The following PRKCQ variants were observed in gnomAD, a reference collection of about 807,000 sequenced individuals.
PRKCQ encodes protein kinase C theta.
In PRKCQ, 41 loss-of-function variants were observed where a neutral mutation model predicts 91.2. The ratio of observed to expected loss-of-function variants is 0.45; its 90% confidence interval spans 0.35 to 0.58. PRKCQ has a LOEUF of 0.58. PRKCQ is among the 20% of genes least tolerant of loss of function. The pLI is 0.00. For missense variants in PRKCQ, 673 were observed against 896.5 expected (o/e 0.75, Z 3.18); for synonymous variants, 307 against 316.9 (o/e 0.97, Z 0.33).
the PRKCQ span, among the ~76,000 whole-genome samples, chr10:6,411,856 C>T: frequency 6.6e-6 from 1 of 152,158 alleles, no homozygotes; most frequent in Non-Finnish European, 1.5e-5. Flanking sequence ...AAGTGTTTTA[C>T]AGGGATAGTA....
chr10:6,525,793 T>G (rs948354332), intron 1 of PRKCQ, among the ~76,000 whole-genome samples: 1 of 152,124 alleles, frequency 6.6e-6, no homozygotes. Context: ...CTGGAGGCCA[T>G]GAAGTATCAT....
intron 8 of PRKCQ, chr10:6,489,632 G>A (rs1187123604): frequency 5.3e-6 from 2 of 379,226 alleles, no homozygotes; most frequent in African/African-American, 4.2e-5. Flanking sequence ...GGGGTGAGCG[G>A]AGCAGGCGGG....
intron 8 of PRKCQ, among the ~76,000 whole-genome samples, chr10:6,490,671 A>G (rs764097130): frequency 2.0e-5 from 3 of 152,054 alleles, no homozygotes; most frequent in African/African-American, 7.2e-5. Context: ...CTTGAGTCCA[A>G]GAAGTCAAGT....
rs1248510069 is a variant in PRKCQ, at chr10:6,465,337, T to A, written c.1354-933A>T. 2.0e-5 allele frequency among the ~76,000 whole-genome samples: 3 copies of A among 152,056 alleles called. No homozygotes were observed. Among genetic ancestry groups the A allele is most frequent in the Non-Finnish European group, 4.4e-5 (3 of 68,008 alleles). ...GACGGAGTTCTTCTGGCAGAGGACA[T>A]GATGTATGTCAGTAGAGCTGGGGCC... On this transcript the variant is annotated intron_variant, in intron 12 of 17. Coordinates refer to ENST00000263125, the MANE Select transcript of PRKCQ (RefSeq NM_006257.5). This position sits in a 1 kb window ranked among gnomAD's most constrained non-coding sequence, Gnocchi z 4.4.
intron 16 of PRKCQ, among the ~76,000 whole-genome samples, chr10:6,440,504 G>GCTCATCCTCTTT (rs1296157716): frequency 1.3e-5 from 2 of 152,072 alleles, no homozygotes; most frequent in African/African-American, 4.8e-5. Context: ...GTTTTTTTCT[G>GCTCATCCTCTTT]CTCATCCTCT....
At chr10:6,445,605 A>G (rs1009259873) in intron 15 of PRKCQ, among the ~76,000 whole-genome samples, 2 of 152,342 alleles carry the variant, frequency 1.3e-5, no homozygotes, top group African/African-American at 4.8e-5. Context: ...TTGATGATGC[A>G]CTTGTCCCCG....
chr10:6,474,266 T>C (rs150869178), intron 12 of PRKCQ, among the ~76,000 whole-genome samples: 2 of 152,302 alleles, frequency 1.3e-5, no homozygotes, highest in African/African-American at 4.8e-5. Flanking sequence ...GAGGCCTCTC[T>C]TCAGAGGCCT....
At chr10:6,564,200 G>A (rs1328727144) in intron 1 of PRKCQ, among the ~76,000 whole-genome samples, 1 of 152,146 alleles carries the variant, frequency 6.6e-6, no homozygotes, top group Non-Finnish European at 1.5e-5. Flanking sequence ...GCTTTGCAGG[G>A]GAGTGCAGCA....
intron 1 of PRKCQ, among the ~76,000 whole-genome samples, chr10:6,518,074 T>C (rs575762873): frequency 5.3e-4 from 81 of 152,246 alleles, no homozygotes; most frequent in Middle Eastern, 3.4e-3. Flanking sequence ...ATGAGCAAAT[T>C]TTGGGGAAAG....
chr10:6,552,085 T>C (rs987855643), intron 1 of PRKCQ, among the ~76,000 whole-genome samples: 1 of 152,214 alleles, frequency 6.6e-6, no homozygotes, highest in Non-Finnish European at 1.5e-5. Context: ...TAGTGAACTT[T>C]TTTTCATATG....
At chr10:6,459,712 G>C (rs1835217144) in intron 14 of PRKCQ, among the ~76,000 whole-genome samples, 1 of 152,204 alleles carries the variant, frequency 6.6e-6, no homozygotes, top group Non-Finnish European at 1.5e-5. Flanking sequence ...GCAGAGACTG[G>C]GTGATGCAGC....
chr10:6,421,176 G>A, the PRKCQ span, among the ~76,000 whole-genome samples: 51 of 152,198 alleles, frequency 3.4e-4, no homozygotes, highest in African/African-American at 1.0e-3. The surrounding 1 kb of genome is among the most constrained non-coding windows in gnomAD (Gnocchi z 4.1). Context: ...TACATCCTTA[G>A]TGTTTCTGAA....
the PRKCQ span, among the ~76,000 whole-genome samples, chr10:6,407,547 G>A: frequency 2.0e-5 from 3 of 151,842 alleles, no homozygotes; most frequent in African/African-American, 7.3e-5. The surrounding 1 kb of genome is among the most constrained non-coding windows in gnomAD (Gnocchi z 4.0). Flanking sequence ...TCATGTGTGT[G>A]TATGGCATGT....
chr10:6,532,384 C>G (rs1249979245), intron 1 of PRKCQ, among the ~76,000 whole-genome samples: 1 of 152,234 alleles, frequency 6.6e-6, no homozygotes, highest in Non-Finnish European at 1.5e-5. Flanking sequence ...TTCTACTTTA[C>G]TTGGTGAATT....
chr10:6,486,168 G>A (rs776666492), intron 8 of PRKCQ, 24 bp from the exon 9 acceptor site: 14 of 1,588,438 alleles, frequency 8.8e-6, no homozygotes, highest in Middle Eastern at 1.7e-4. Context: ...GGCAGATAGT[G>A]AGCAAGAGTG....
chr10:6,422,996 A>G (rs1480938434), downstream of PRKCQ, among the ~76,000 whole-genome samples: 1 of 152,100 alleles, frequency 6.6e-6, no homozygotes, highest in Non-Finnish European at 1.5e-5. Flanking sequence ...CCATTTCCAA[A>G]TATCTCTGGG....
intron 16 of PRKCQ, among the ~76,000 whole-genome samples, chr10:6,438,416 T>C (rs955182311): frequency 3.3e-5 from 5 of 152,242 alleles, no homozygotes; most frequent in African/African-American, 1.2e-4. Context: ...ATGGATAGCT[T>C]CCAATGTTGA....
In PRKCQ at chr10:6,447,727, G is replaced by A. The variant is rs1834397608; in HGVS notation, c.1648-5646C>T. Among the ~76,000 whole-genome samples, 4 of 152,190 alleles carry A rather than the reference G, an allele frequency of 2.6e-5. No individual in the cohort carries two copies. The South Asian group carries it at 6.2e-4, about 24-fold the overall frequency. ...AGATGGCCTCTGTCCCAGCAGTTGT[G>A]TGTTCCTGTGTTTTAATTCTCTGCC... On this transcript the variant is annotated intron_variant, in intron 15 of 17. Coordinates refer to ENST00000263125, the MANE Select transcript of PRKCQ (RefSeq NM_006257.5).
At chr10:6,561,396 A>G (rs1006558477) in intron 1 of PRKCQ, among the ~76,000 whole-genome samples, 1 of 131,472 alleles carries the variant, frequency 7.6e-6, no homozygotes, top group Non-Finnish European at 1.7e-5. Context: ...AAAAAAAAAA[A>G]GAAACAAGAA....
Sources: gnomAD v4.1 joint callset for allele counts (sites outside exome capture counted in the v4.1 genomes callset) on GRCh38, gnomAD v4.1.1 for gene constraint, Gnocchi (gnomAD v3.1) non-coding constraint, MANE v1.5 for transcripts, NCBI Gene and HGNC (gene_info 2026-07-23, HGNC 2026-07-21) for gene names.